Variants in SAMMSON observed in about 807,000 individuals in gnomAD.
SAMMSON encodes the protein survival associated mitochondrial melanoma specific oncogenic non-coding RNA, also known as long intergenic non-protein coding RNA 1212.
intron 3 of SAMMSON, among the ~76,000 whole-genome samples, chr3:70,051,987 A>C (rs1229873289): frequency 3.9e-5 from 6 of 152,022 alleles, no homozygotes; most frequent in Non-Finnish European, 7.4e-5. Context: ...AGTCCCAGCT[A>C]CTCAAGAGGC....
intron 2 of SAMMSON, among the ~76,000 whole-genome samples, chr3:70,412,506 G>A (rs575542121): frequency 6.6e-6 from 1 of 152,294 alleles, no homozygotes; most frequent in African/African-American, 2.4e-5. Flanking sequence ...TGGTTGCTTT[G>A]CTCACAGGAT....
At chr3:70,208,685 T>G (rs1258225458) in intron 4 of SAMMSON, among the ~76,000 whole-genome samples, 1 of 152,020 alleles carries the variant, frequency 6.6e-6, no homozygotes, top group Non-Finnish European at 1.5e-5. Flanking sequence ...GCCCACTGAC[T>G]TGTGCATCAG....
chr3:70,067,182 C>G (rs986607941), intron 3 of SAMMSON, among the ~76,000 whole-genome samples: 3 of 151,768 alleles, frequency 2.0e-5, no homozygotes, highest in Non-Finnish European at 4.4e-5. Context: ...GCACAGGTAT[C>G]GGAGAGATTT....
rs1308393652 is a variant in SAMMSON, at chr3:70,397,770, AC to A, written n.233+39447del. ...ACCTTCAGAAACATGCTGCCAATTTACACTCTCAACATCAGGAAAAGAGAAG... is the reference window on the plus strand; with the variant it reads ...ACCTTCAGAAACATGCTGCCAATTTAACTCTCAACATCAGGAAAAGAGAAG... On this transcript the variant is annotated intron_variant and non_coding_transcript_variant, in intron 2 of 3. Transcript: ENST00000641053. 5.9e-5 allele frequency among the ~76,000 whole-genome samples: 9 copies of A among 152,258 alleles called. No individual in the cohort carries two copies. The East Asian group carries it at 1.7e-3, about 29-fold the overall frequency.
intron 3 of SAMMSON, among the ~76,000 whole-genome samples, chr3:70,050,408 C>T (rs1007557216): frequency 1.3e-5 from 2 of 152,098 alleles, no homozygotes; most frequent in African/African-American, 4.8e-5. Flanking sequence ...GAGCAGCTCT[C>T]AGAAGAAAAC....
At chr3:70,177,204 T>G (rs2106703235) in intron 4 of SAMMSON, among the ~76,000 whole-genome samples, 1 of 152,322 alleles carries the variant, frequency 6.6e-6, no homozygotes, top group East Asian at 1.9e-4. Context: ...ATCTGCACAT[T>G]TTTGTTTAAG....
Position 70,230,499 on chromosome 3 carries a change from C to CAT in SAMMSON, n.508-18594_508-18593dup, listed in dbSNP as rs56052995. ...TACATTAGACAAATTCGAGATGAATCATATATATATATATACAGTTTTGCA... is the reference window on the plus strand; with the variant it reads ...TACATTAGACAAATTCGAGATGAATCATATATATATATATATACAGTTTTGCA... On this transcript the variant is annotated intron_variant and non_coding_transcript_variant, in intron 4 of 9. Coordinates refer to ENST00000642114, the Ensembl canonical transcript of SAMMSON. Among the ~76,000 whole-genome samples the CAT allele has an allele frequency of 2.4e-3, 359 of 151,310 alleles. 2 individuals carry two copies. Among genetic ancestry groups the CAT allele is most frequent in the African/African-American group, 8.4e-3 (347 of 41,170 alleles).
At chr3:70,240,157 A>G (rs1701652932) in intron 4 of SAMMSON, among the ~76,000 whole-genome samples, 1 of 152,116 alleles carries the variant, frequency 6.6e-6, no homozygotes, top group Non-Finnish European at 1.5e-5. Context: ...GACGTATTTT[A>G]AAGTGTAAAA....
chr3:70,237,245 T>C (rs530579423), intron 4 of SAMMSON, among the ~76,000 whole-genome samples: 2 of 152,350 alleles, frequency 1.3e-5, no homozygotes, highest in East Asian at 3.9e-4. Flanking sequence ...TAGATCTTCC[T>C]CATCCTAAAG....
At chr3:70,286,272 C>T (rs1229528491) in intron 6 of SAMMSON, among the ~76,000 whole-genome samples, 2 of 152,186 alleles carry the variant, frequency 1.3e-5, no homozygotes, top group Non-Finnish European at 2.9e-5. Flanking sequence ...CAGCTTTCTA[C>T]ATATGGCTAG....
intron 4 of SAMMSON, among the ~76,000 whole-genome samples, chr3:70,234,009 G>A (rs1414070722): frequency 6.6e-6 from 1 of 152,154 alleles, no homozygotes; most frequent in Non-Finnish European, 1.5e-5. Flanking sequence ...GTAAAATGCT[G>A]AGTCATGTGA....
chr3:70,317,608 G>GTATGTATA (rs1427374166), intron 7 of SAMMSON, among the ~76,000 whole-genome samples: 2 of 150,620 alleles, frequency 1.3e-5, no homozygotes, highest in Non-Finnish European at 3.0e-5. Context: ...ATATATATAT[G>GTATGTATA]TATGTATATA....
At chr3:70,199,939 T>C (rs1701222017) in intron 4 of SAMMSON, among the ~76,000 whole-genome samples, 1 of 152,196 alleles carries the variant, frequency 6.6e-6, no homozygotes, top group South Asian at 2.1e-4. Flanking sequence ...ATTTTGGATC[T>C]CTCTCTCCCC....
intron 8 of SAMMSON, among the ~76,000 whole-genome samples, chr3:70,354,541 C>T (rs1012115392): frequency 2.6e-5 from 4 of 152,178 alleles, no homozygotes; most frequent in Non-Finnish European, 4.4e-5. Flanking sequence ...AGGAGCATGA[C>T]GAAAATGGTG....
chr3:70,367,996 TA>T (rs1355360832), intron 9 of SAMMSON, among the ~76,000 whole-genome samples: 1 of 151,366 alleles, frequency 6.6e-6, no homozygotes, highest in Non-Finnish European at 1.5e-5. Context: ...AAGAGTTTTT[TA>T]TATTTTGGAT....
intron 9 of SAMMSON, among the ~76,000 whole-genome samples, chr3:70,376,796 T>C (rs1364134537): frequency 1.3e-5 from 2 of 152,168 alleles, no homozygotes; most frequent in Non-Finnish European, 2.9e-5. Context: ...GTCATATTGT[T>C]AATTTTTTAA....
intron 9 of SAMMSON, among the ~76,000 whole-genome samples, chr3:70,385,334 A>G (rs1703111830): frequency 6.6e-6 from 1 of 152,116 alleles, no homozygotes; most frequent in African/African-American, 2.4e-5. Context: ...TAATCACTAT[A>G]AATATGTTAA....
chr3:70,283,271 T>C (rs1244604873), intron 6 of SAMMSON, among the ~76,000 whole-genome samples: 5 of 152,010 alleles, frequency 3.3e-5, no homozygotes, highest in Admixed American at 2.6e-4. Context: ...AGTCCTCTGA[T>C]TGATTGCTTT....
chr3:70,333,706 C>T (rs13093307), intron 7 of SAMMSON, among the ~76,000 whole-genome samples: 92,469 of 152,028 alleles, frequency 0.61, 28,646 homozygotes, highest in Non-Finnish European at 0.66. Flanking sequence ...AATTACCTTA[C>T]GTATTGCTGC....
Sources: allele counts gnomAD v4.1 joint callset (sites outside exome capture counted in the v4.1 genomes callset), GRCh38; gene constraint gnomAD v4.1.1; transcripts MANE v1.5; gene names NCBI Gene and HGNC (gene_info 2026-07-23, HGNC 2026-07-21).